The following LRRTM4 variants were observed in gnomAD, a reference collection of about 807,000 sequenced individuals.
The protein encoded by LRRTM4 is leucine rich repeat transmembrane neuronal 4.
LRRTM4 carries 25 observed loss-of-function variants against 47.6 expected under a neutral mutation model. That is an observed-to-expected ratio of 0.53 (90% CI 0.38 to 0.73). LRRTM4 has a LOEUF of 0.73. LRRTM4 is among the 30% of genes least tolerant of loss of function. LRRTM4 has a pLI of 0.00. For missense variants in LRRTM4, 638 were observed against 713.4 expected (o/e 0.89, Z 1.20); for synonymous variants, 311 against 269.5 (o/e 1.15, Z -1.51).
At chr2:77,004,504 T>TG (rs1677560315) in intron 3 of LRRTM4, among the ~76,000 whole-genome samples, 1 of 151,852 alleles carries the variant, frequency 6.6e-6, no homozygotes, top group African/African-American at 2.4e-5. Context: ...AGAGCATGTA[T>TG]GAAAACACCT....
intron 3 of LRRTM4, among the ~76,000 whole-genome samples, chr2:77,372,975 G>A (rs970164086): frequency 6.7e-6 from 1 of 150,038 alleles, no homozygotes; most frequent in Non-Finnish European, 1.5e-5. Flanking sequence ...ACTAAAAAGG[G>A]TCATAAGGAA....
At chr2:77,285,947 T>C (rs538568309) in intron 3 of LRRTM4, among the ~76,000 whole-genome samples, 1 of 152,246 alleles carries the variant, frequency 6.6e-6, no homozygotes, top group Non-Finnish European at 1.5e-5. Context: ...AAGTCTATGC[T>C]ACCAAAGTAA....
chr2:77,209,812 C>G (rs1184222724), intron 3 of LRRTM4, among the ~76,000 whole-genome samples: 3 of 152,186 alleles, frequency 2.0e-5, no homozygotes, highest in Non-Finnish European at 2.9e-5. Flanking sequence ...TTAGGAGAAA[C>G]TGTGAACAAA....
intron 3 of LRRTM4, among the ~76,000 whole-genome samples, chr2:76,952,366 C>T (rs938485466): frequency 3.3e-5 from 5 of 151,880 alleles, no homozygotes; most frequent in Non-Finnish European, 7.4e-5. Context: ...CAACAAATAA[C>T]CTCATTTAAA....
chr2:77,271,321 C>T (rs956133232), intron 3 of LRRTM4, among the ~76,000 whole-genome samples: 1 of 152,154 alleles, frequency 6.6e-6, no homozygotes, highest in African/African-American at 2.4e-5. Flanking sequence ...TAATACACCA[C>T]CATCTATCGG....
intron 3 of LRRTM4, among the ~76,000 whole-genome samples, chr2:77,124,932 T>G (rs1671615235): frequency 6.6e-6 from 1 of 152,158 alleles, no homozygotes; most frequent in African/African-American, 2.4e-5. Flanking sequence ...TACAGAGATG[T>G]GTAGCTTTCA....
At chr2:76,808,310 A>C (rs966561198) in intron 3 of LRRTM4, among the ~76,000 whole-genome samples, 1 of 151,998 alleles carries the variant, frequency 6.6e-6, no homozygotes, top group Admixed American at 6.6e-5. Context: ...CAGCTGGCCT[A>C]TTTTCATTAT....
intron 3 of LRRTM4, among the ~76,000 whole-genome samples, chr2:77,363,693 T>A (rs887300565): frequency 4.6e-5 from 7 of 152,208 alleles, no homozygotes; most frequent in African/African-American, 1.7e-4. Context: ...TTTCTCATTA[T>A]CATGAAGTCC....
At chr2:77,434,880 G>A (rs183113923) in intron 3 of LRRTM4, among the ~76,000 whole-genome samples, 83 of 152,210 alleles carry the variant, frequency 5.5e-4, no homozygotes, top group African/African-American at 1.9e-3. Flanking sequence ...AAGATGGATA[G>A]TGATGTTGGT....
chr2:77,480,274 G>C (rs1343649051), intron 3 of LRRTM4, among the ~76,000 whole-genome samples: 1 of 152,142 alleles, frequency 6.6e-6, no homozygotes, highest in Non-Finnish European at 1.5e-5. Context: ...GAAGAAGACT[G>C]GCAGAGCCCT....
intron 3 of LRRTM4, among the ~76,000 whole-genome samples, chr2:76,779,970 C>A (rs1183056274): frequency 6.6e-6 from 1 of 152,072 alleles, no homozygotes; most frequent in African/African-American, 2.4e-5. Context: ...GTGACAAAAT[C>A]TCTCAGCATT....
chr2:76,829,810 C>A (rs748896389), intron 3 of LRRTM4, among the ~76,000 whole-genome samples: 3 of 152,018 alleles, frequency 2.0e-5, no homozygotes, highest in African/African-American at 4.8e-5. Flanking sequence ...TGTGAGACCT[C>A]TGCCTTGCAT....
Position 76,968,579 on chromosome 2 carries a change from C to T in LRRTM4, c.1552-219663G>A, listed in dbSNP as rs972548000. On this transcript the variant is annotated intron_variant, in intron 3 of 3. Coordinates refer to ENST00000409884, the MANE Select transcript of LRRTM4 (RefSeq NM_001134745.3). ...CGTTCTCAATAACTTTTCTTTAATC[C>T]ACTGCTCATTTTGCTTTTTAGCTAA... Among the ~76,000 whole-genome samples, 16 of 150,912 alleles carry T rather than the reference C, an allele frequency of 1.1e-4. No homozygotes were observed. In the Admixed American group the frequency reaches 1.1e-3, roughly 10 times the overall value.
intron 3 of LRRTM4, among the ~76,000 whole-genome samples, chr2:77,383,844 G>T (rs887768682): frequency 3.9e-5 from 6 of 152,020 alleles, no homozygotes; most frequent in Admixed American, 3.9e-4. Context: ...AGACCTCAAA[G>T]ACCTCAAATC....
intron 3 of LRRTM4, among the ~76,000 whole-genome samples, chr2:77,120,253 G>A (rs1229409221): frequency 1.3e-5 from 2 of 151,750 alleles, no homozygotes; most frequent in South Asian, 2.1e-4. Flanking sequence ...GAACCATCTA[G>A]ATATTCAACC....
At chr2:77,445,568 T>C (rs1459443676) in intron 3 of LRRTM4, among the ~76,000 whole-genome samples, 1 of 152,050 alleles carries the variant, frequency 6.6e-6, no homozygotes, top group African/African-American at 2.4e-5. Flanking sequence ...AAGTGTAGCA[T>C]AGCAGTTTTC....
At chr2:77,451,410 G>C (rs1009204959) in intron 3 of LRRTM4, among the ~76,000 whole-genome samples, 10 of 152,138 alleles carry the variant, frequency 6.6e-5, no homozygotes, top group Admixed American at 5.2e-4. Context: ...CTGATGAGCT[G>C]GAAAACGGAA....
intron 3 of LRRTM4, among the ~76,000 whole-genome samples, chr2:77,506,497 G>C (rs1678780252): frequency 6.6e-6 from 1 of 151,616 alleles, no homozygotes; most frequent in Admixed American, 6.6e-5. Context: ...GTGAAAAAAA[G>C]GTTCTACTGC....
chr2:76,976,412 T>TA (rs904837017), intron 3 of LRRTM4, among the ~76,000 whole-genome samples: 14 of 151,520 alleles, frequency 9.2e-5, no homozygotes, highest in Admixed American at 3.3e-4. Flanking sequence ...AACATTTCAT[T>TA]AAAAAAAATA....
Sources: allele counts gnomAD v4.1 joint callset (sites outside exome capture counted in the v4.1 genomes callset), GRCh38; gene constraint gnomAD v4.1.1; transcripts MANE v1.5; gene names NCBI Gene and HGNC (gene_info 2026-07-23, HGNC 2026-07-21).